Variants in ROBO2 observed in about 807,000 individuals in gnomAD.
ROBO2 encodes roundabout guidance receptor 2.
A neutral mutation model predicts 160.8 loss-of-function variants in ROBO2; 53 were observed. The ratio of observed to expected loss-of-function variants is 0.33; its 90% CI spans 0.26 to 0.41. The LOEUF (loss-of-function observed/expected upper bound fraction) is 0.41. Ranked by LOEUF, ROBO2 falls within the 10% of genes least tolerant of loss-of-function variation. The pLI, the probability that ROBO2 is intolerant of heterozygous loss-of-function variation, is 1.00. For missense variants in ROBO2, 1,577 were observed against 1,722.4 expected, an observed-to-expected ratio of 0.92 and a Z score of 1.49; for synonymous variants, 664 against 611.7, an observed-to-expected ratio of 1.09 and a Z score of -1.26.
At chr3:76,657,470 C>A (rs2091591066) in intron 2 of ROBO2, among the ~76,000 whole-genome samples, 1 of 145,974 alleles carries the variant, frequency 6.9e-6, no homozygotes. Context: ...AATTGGCCAG[C>A]TGCGGTGGCT....
chr3:77,037,006 C>T (rs1426763868), upstream of ROBO2, among the ~76,000 whole-genome samples: 2 of 151,546 alleles, frequency 1.3e-5, no homozygotes, highest in Non-Finnish European at 2.9e-5. Context: ...CTAAAACTGT[C>T]TTAAGTGTAA....
At chr3:77,642,715 C>T (rs1017866626) in intron 24 of ROBO2, 2 of 456,668 alleles carry the variant, frequency 4.4e-6, no homozygotes, top group Non-Finnish European at 8.8e-6. Context: ...GGGTTTAAGG[C>T]AGCAAATAGG....
intron 2 of ROBO2, among the ~76,000 whole-genome samples, chr3:77,199,714 C>T (rs1204784492): frequency 1.3e-5 from 2 of 150,674 alleles, no homozygotes; most frequent in Non-Finnish European, 2.9e-5. Flanking sequence ...CCTCAGCCTC[C>T]TGTGCTCAAG....
chr3:77,521,765 A>G (rs1480160244), intron 5 of ROBO2, among the ~76,000 whole-genome samples: 1 of 151,310 alleles, frequency 6.6e-6, no homozygotes, highest in Non-Finnish European at 1.5e-5. Flanking sequence ...CTTCTAGCTA[A>G]ATCTAGAAGT....
At chr3:76,291,978 T>C (rs1022663693) in intron 2 of ROBO2, among the ~76,000 whole-genome samples, 2 of 152,258 alleles carry the variant, frequency 1.3e-5, no homozygotes, top group South Asian at 2.1e-4. Flanking sequence ...ATGAGAAGTA[T>C]GTATATTCTC....
intron 2 of ROBO2, among the ~76,000 whole-genome samples, chr3:76,326,579 T>G (rs1470910492): frequency 6.6e-6 from 1 of 152,122 alleles, no homozygotes; most frequent in African/African-American, 2.4e-5. Context: ...AATGAAAAAT[T>G]TATTCATATG....
intron 2 of ROBO2, among the ~76,000 whole-genome samples, chr3:77,215,042 C>A (rs1400917379): frequency 6.6e-6 from 1 of 152,144 alleles, no homozygotes; most frequent in African/African-American, 2.4e-5. Context: ...TTTGGTGAAT[C>A]TGACAATTAT....
At chr3:77,216,816 G>A (rs1017822660) in intron 2 of ROBO2, among the ~76,000 whole-genome samples, 2 of 151,870 alleles carry the variant, frequency 1.3e-5, no homozygotes, top group East Asian at 3.9e-4. Context: ...ATATTATTTT[G>A]TTTTTATTTA....
intron 2 of ROBO2, among the ~76,000 whole-genome samples, chr3:76,209,127 T>A (rs1247194212): frequency 1.3e-5 from 2 of 152,208 alleles, no homozygotes; most frequent in African/African-American, 4.8e-5. Flanking sequence ...CTCTAAACTG[T>A]TACATGGCAA....
intron 2 of ROBO2, among the ~76,000 whole-genome samples, chr3:77,473,319 G>A (rs576084258): frequency 3.0e-4 from 45 of 151,922 alleles, no homozygotes; most frequent in African/African-American, 1.1e-3. Context: ...AGAAGATGGA[G>A]CCTCCGTGTT....
intron 2 of ROBO2, among the ~76,000 whole-genome samples, chr3:76,578,430 T>G (rs1401093337): frequency 2.0e-5 from 3 of 152,140 alleles, no homozygotes; most frequent in African/African-American, 7.2e-5. Context: ...CCCATTCATT[T>G]CTTCATATCC....
chr3:76,080,714 A>T (rs1036060756), intron 2 of ROBO2, among the ~76,000 whole-genome samples: 1 of 152,230 alleles, frequency 6.6e-6, no homozygotes, highest in African/African-American at 2.4e-5. Flanking sequence ...GGGGCAAATT[A>T]TCTGTTAGAA....
intron 2 of ROBO2, among the ~76,000 whole-genome samples, chr3:76,626,937 G>T (rs138952342): frequency 6.6e-6 from 1 of 152,014 alleles, no homozygotes; most frequent in Non-Finnish European, 1.5e-5. Flanking sequence ...TGGTCCGCCC[G>T]CCTCGGCCTC....
intron 21 of ROBO2, among the ~76,000 whole-genome samples, chr3:77,613,368 T>G (rs903030730): frequency 3.3e-5 from 5 of 152,182 alleles, no homozygotes; most frequent in African/African-American, 4.8e-5. Flanking sequence ...TTTCGTTCTT[T>G]TTTCCAAGGT....
chr3:77,200,441 A>G (rs892076541), intron 2 of ROBO2, among the ~76,000 whole-genome samples: 1 of 150,956 alleles, frequency 6.6e-6, no homozygotes, highest in South Asian at 2.1e-4. Context: ...GAAAAACACA[A>G]TAAATGCAAC....
chr3:76,538,111 G>A (rs920474783), intron 2 of ROBO2, among the ~76,000 whole-genome samples: 2 of 151,500 alleles, frequency 1.3e-5, no homozygotes, highest in Non-Finnish European at 2.9e-5. Flanking sequence ...GGTCACAGGG[G>A]TTATAATGGC....
At chr3:76,900,003 C>T (rs1204547805) in intron 2 of ROBO2, among the ~76,000 whole-genome samples, 1 of 152,008 alleles carries the variant, frequency 6.6e-6, no homozygotes, top group African/African-American at 2.4e-5. Flanking sequence ...AATAGAATGA[C>T]ATTTATTAAA....
intron 2 of ROBO2, among the ~76,000 whole-genome samples, chr3:76,757,194 T>G (rs1576449717): frequency 6.6e-6 from 1 of 151,780 alleles, no homozygotes; most frequent in African/African-American, 2.4e-5. Flanking sequence ...TTATATTTAA[T>G]TTGGGTTTAC....
At chr3:77,300,423 T>C (rs765119119) in intron 2 of ROBO2, among the ~76,000 whole-genome samples, 5 of 152,098 alleles carry the variant, frequency 3.3e-5, no homozygotes, top group Non-Finnish European at 5.9e-5. Flanking sequence ...TATAACGACA[T>C]TGAGTAAAAT....
Sources: gnomAD v4.1 joint callset for allele counts (sites outside exome capture counted in the v4.1 genomes callset) on GRCh38, gnomAD v4.1.1 for gene constraint, MANE v1.5 for transcripts, NCBI Gene and HGNC (gene_info 2026-07-23, HGNC 2026-07-21) for gene names.